The following EBF1 variants were observed in gnomAD, a reference collection of about 807,000 sequenced individuals.
EBF1 encodes the protein EBF transcription factor 1.
EBF1 carries 10 observed loss-of-function variants against 68.4 expected under a neutral mutation model. The observed-to-expected ratio is 0.15, with a 90% CI of 0.09 to 0.25. The LOEUF (loss-of-function observed/expected upper bound fraction) is 0.25, where lower values mean the gene tolerates loss of function less well. EBF1 is among the 10% of genes least tolerant of loss of function. The probability of loss-of-function intolerance (pLI) is 1.00; values close to 1 mark genes in which losing one functional copy is unlikely to be tolerated. For missense variants in EBF1, 509 were observed against 794.4 expected, an observed-to-expected ratio of 0.64 and a Z score of 4.32; for synonymous variants, 298 against 299.8, an observed-to-expected ratio of 0.99 and a Z score of 0.06.
intron 6 of EBF1, among the ~76,000 whole-genome samples, chr5:159,034,004 GT>G (rs1336307118): frequency 2.0e-5 from 3 of 152,120 alleles, no homozygotes; most frequent in Non-Finnish European, 4.4e-5. Flanking sequence ...ATTATAATAT[GT>G]AGTGTTTGCA....
chr5:158,731,705 C>A lies in EBF1; in HGVS notation c.1037-548G>T, dbSNP rs367817154. The stretch of plus-strand genomic sequence containing the variant: ...AAGCCAGTGCCACCCTTGAGAGAGT[C>A]TGCAAAGGGATGGGTATTGAAAATG... On this transcript the variant is annotated intron_variant, in intron 10 of 15. Coordinates refer to ENST00000313708, the MANE Select transcript of EBF1 (RefSeq NM_024007.5). 1.1e-3 allele frequency among the ~76,000 whole-genome samples: 169 copies of A among 152,272 alleles called. 1 individual carries two copies. The Middle Eastern group carries it at 0.017, about 15-fold the overall frequency.
At chr5:158,997,121 A>G (rs1761572900) in intron 6 of EBF1, among the ~76,000 whole-genome samples, 1 of 152,148 alleles carries the variant, frequency 6.6e-6, no homozygotes, top group Non-Finnish European at 1.5e-5. Flanking sequence ...CTCAGGGTGC[A>G]CACATGAGTA....
chr5:158,830,257 C>T (rs1007152432), intron 7 of EBF1, among the ~76,000 whole-genome samples: 12 of 152,042 alleles, frequency 7.9e-5, no homozygotes, highest in Admixed American at 5.9e-4. Context: ...GCAGTTCTCA[C>T]CCACCCTCAG....
intron 6 of EBF1, among the ~76,000 whole-genome samples, chr5:159,064,239 G>A (rs982344409): frequency 1.3e-5 from 2 of 152,118 alleles, no homozygotes; most frequent in Non-Finnish European, 2.9e-5. Flanking sequence ...CATCAACTAA[G>A]AAAGCTGGCT....
chr5:158,775,935 C>A (rs1208063497), intron 10 of EBF1, among the ~76,000 whole-genome samples: 1 of 152,092 alleles, frequency 6.6e-6, no homozygotes, highest in African/African-American at 2.4e-5. Context: ...TACGCTGAAC[C>A]AATGAGCCTA....
chr5:159,083,282 T>C (rs1780044127), intron 5 of EBF1, among the ~76,000 whole-genome samples: 1 of 152,244 alleles, frequency 6.6e-6, no homozygotes, highest in Non-Finnish European at 1.5e-5. Context: ...TGAATTTTAC[T>C]CACAATTCTG....
chr5:158,890,770 G>A (rs2128107415), intron 6 of EBF1, among the ~76,000 whole-genome samples: 1 of 152,138 alleles, frequency 6.6e-6, no homozygotes, highest in East Asian at 1.9e-4. Flanking sequence ...CCTTTACTTG[G>A]GAATGGATCA....
intron 6 of EBF1, among the ~76,000 whole-genome samples, chr5:158,879,329 G>C (rs1324275983): frequency 6.6e-6 from 1 of 152,178 alleles, no homozygotes; most frequent in Non-Finnish European, 1.5e-5. Flanking sequence ...ATACGCTCAA[G>C]GAAGAGAGTA....
intron 6 of EBF1, among the ~76,000 whole-genome samples, chr5:158,924,241 C>A (rs1352609538): frequency 6.6e-6 from 1 of 152,192 alleles, no homozygotes; most frequent in Admixed American, 6.5e-5. Context: ...AGTCTTTCTG[C>A]CTTTTCGCTG....
intron 10 of EBF1, among the ~76,000 whole-genome samples, chr5:158,749,378 G>A (rs573476476): frequency 6.6e-6 from 1 of 152,152 alleles, no homozygotes; most frequent in African/African-American, 2.4e-5. Context: ...TTTTGCTTTG[G>A]AAATAAACTC....
intron 6 of EBF1, among the ~76,000 whole-genome samples, chr5:158,853,023 G>T (rs1411353267): frequency 6.6e-6 from 1 of 152,090 alleles, no homozygotes; most frequent in Admixed American, 6.6e-5. Context: ...GTCAGTGGGT[G>T]GTCTACATGG....
At chr5:159,012,151 G>T (rs1374039810) in intron 6 of EBF1, among the ~76,000 whole-genome samples, 1 of 152,154 alleles carries the variant, frequency 6.6e-6, no homozygotes, top group African/African-American at 2.4e-5. Context: ...GCTGGGTGTG[G>T]TGGCACGCGC....
At chr5:158,815,129 T>C (rs1380831970) in intron 8 of EBF1, among the ~76,000 whole-genome samples, 2 of 152,330 alleles carry the variant, frequency 1.3e-5, no homozygotes. Flanking sequence ...TCAAGCTTCC[T>C]GGATTTGAAC....
At chr5:158,829,732 G>A (rs1787087575) in intron 7 of EBF1, among the ~76,000 whole-genome samples, 1 of 152,092 alleles carries the variant, frequency 6.6e-6, no homozygotes, top group Admixed American at 6.6e-5. Context: ...CTACCTGTCA[G>A]CTGAACTACT....
rs1156252737 is a variant in EBF1, at chr5:158,834,774, C to T, written c.636+5255G>A. ...GTCCTCCTCAGTCACCTACACAGGCCCCTGATTGCTGTTCAGAGGAGACAC... is the reference window on the plus strand; with the variant it reads ...GTCCTCCTCAGTCACCTACACAGGCTCCTGATTGCTGTTCAGAGGAGACAC... On this transcript the variant is annotated intron_variant, in intron 7 of 15. Coordinates refer to ENST00000313708, the MANE Select transcript of EBF1 (RefSeq NM_024007.5). Among the ~76,000 whole-genome samples, 3 of 152,280 alleles carry T rather than the reference C, an allele frequency of 2.0e-5. No individual in the cohort carries two copies. In the East Asian group the frequency reaches 5.8e-4, roughly 29 times the overall value.
chr5:158,825,395 C>T (rs1040394708), intron 7 of EBF1, among the ~76,000 whole-genome samples: 9 of 151,776 alleles, frequency 5.9e-5, no homozygotes, highest in South Asian at 2.1e-4. Context: ...TCACTGGAGT[C>T]GTTAGCTGAA....
At position 158,704,218 on chromosome 5, in the gene EBF1, T is replaced by C. The variant is rs959259081; in HGVS notation, c.1744+3761A>G. Among the ~76,000 whole-genome samples the C allele has an allele frequency of 5.3e-5, 8 of 152,208 alleles. 1 individual carries two copies. Among genetic ancestry groups the C allele is most frequent in the Admixed American group, 5.2e-4 (8 of 15,286 alleles). ...GCTGGGAATAAGCCCTCCTAGTCAG[T>C]GGCTGTGTTCACCATTATCACCACC... On this transcript the variant is annotated intron_variant, in intron 15 of 15. Coordinates refer to ENST00000313708, the MANE Select transcript of EBF1 (RefSeq NM_024007.5).
intron 6 of EBF1, among the ~76,000 whole-genome samples, chr5:158,936,702 A>C (rs966299533): frequency 6.6e-6 from 1 of 152,204 alleles, no homozygotes; most frequent in Non-Finnish European, 1.5e-5. Context: ...ACAGCTATGC[A>C]CTGGCTTCCT....
chr5:159,034,516 TGACA>T (rs1441914432), intron 6 of EBF1, among the ~76,000 whole-genome samples: 1 of 152,184 alleles, frequency 6.6e-6, no homozygotes, highest in Non-Finnish European at 1.5e-5. Flanking sequence ...CAGGCCACCT[TGACA>T]GCAAATCGAT....
Sources: gnomAD v4.1 joint callset for allele counts (sites outside exome capture counted in the v4.1 genomes callset) on GRCh38, gnomAD v4.1.1 for gene constraint, MANE v1.5 for transcripts, NCBI Gene and HGNC (gene_info 2026-07-23, HGNC 2026-07-21) for gene names.